The following FIP1L1 variants were observed in gnomAD, a reference collection of about 807,000 sequenced individuals.
FIP1L1 encodes the protein factor interacting with PAPOLA and CPSF1, also known as pre-mRNA 3'-end-processing factor FIP1.
A neutral mutation model predicts 84.6 loss-of-function variants in FIP1L1; 21 were observed. That is an observed-to-expected ratio of 0.25 (90% CI 0.18 to 0.36). The LOEUF is 0.36. FIP1L1 is among the 10% of genes least tolerant of loss of function. FIP1L1 has a pLI of 1.00. For synonymous variants in FIP1L1, 263 were observed against 242.3 expected, an observed-to-expected ratio of 1.09 and a Z score of -0.80; for missense variants, 526 against 751.1, an observed-to-expected ratio of 0.70 and a Z score of 3.50.
At position 53,403,094 on chromosome 4, in the gene FIP1L1, T is replaced by C. The variant is rs570693652; in HGVS notation, c.815+3255T>C. ...AGAAAAGAGGTCTGAAATAGTTTTT[T>C]GGAGTTCTGTGAATAAACTAGGTGA... On this transcript the variant is annotated intron_variant, in intron 10 of 17. Transcript: ENST00000337488. Among the ~76,000 whole-genome samples, 3 of 152,298 alleles carry C rather than the reference T, an allele frequency of 2.0e-5. No homozygotes were observed. In the East Asian group the frequency reaches 5.8e-4, roughly 29 times the overall value.
intron 11 of FIP1L1, among the ~76,000 whole-genome samples, chr4:53,419,707 A>G (rs1403547380): frequency 6.6e-6 from 1 of 152,050 alleles, no homozygotes; most frequent in Admixed American, 6.6e-5. Context: ...CTCCCAAATC[A>G]CACCTGAGAT....
At chr4:53,438,510 T>C (rs1770478601) in intron 13 of FIP1L1, among the ~76,000 whole-genome samples, 1 of 152,224 alleles carries the variant, frequency 6.6e-6, no homozygotes, top group Admixed American at 6.5e-5. Context: ...AGATTTGCAT[T>C]GAAATAACAT....
intron 5 of FIP1L1, among the ~76,000 whole-genome samples, chr4:53,385,168 G>T (rs898826003): frequency 6.6e-6 from 1 of 152,124 alleles, no homozygotes; most frequent in Non-Finnish European, 1.5e-5. Context: ...GGCTTATACT[G>T]TAGTACTAGT....
rs995710372 is a variant in FIP1L1, at chr4:53,460,620, A to T, written c.*1171A>T. 3.2e-6 allele frequency: 1 copy of T among 315,790 alleles called. No individual in the cohort carries two copies. The highest frequency in any genetic ancestry group is 2.4e-5 in the African/African-American group (1 of 42,342). 19.6% of individuals were successfully genotyped at this position (315,790 alleles called of 1,614,324 possible). On this transcript the variant is annotated 3_prime_UTR_variant, in exon 18 of 18. Coordinates refer to ENST00000337488, the MANE Select transcript of FIP1L1 (RefSeq NM_030917.4). ...TAAATCAGCTTGAATTCAGTGGGGT[A>T]TACAAATCATTTTAGTTGTTTTAGG... is the stretch of plus-strand genomic sequence containing the variant.
chr4:53,440,399 G>A (rs1560570708), intron 13 of FIP1L1, among the ~76,000 whole-genome samples: 1 of 151,966 alleles, frequency 6.6e-6, no homozygotes, highest in Admixed American at 6.6e-5. Flanking sequence ...TTTCATCAAG[G>A]AAGTTGGATG....
At chr4:53,429,563 TA>T (rs540951858) in intron 13 of FIP1L1, among the ~76,000 whole-genome samples, 6 of 152,302 alleles carry the variant, frequency 3.9e-5, no homozygotes, top group East Asian at 3.9e-4. Flanking sequence ...TTAATGATAC[TA>T]AAAAAATTAT....
chr4:53,406,451 GA>G (rs1560517680), intron 10 of FIP1L1, among the ~76,000 whole-genome samples: 1 of 152,194 alleles, frequency 6.6e-6, no homozygotes. Flanking sequence ...GTTCATCAGG[GA>G]TATTGGTCTA....
intron 3 of FIP1L1, among the ~76,000 whole-genome samples, chr4:53,380,522 TTGAA>T (rs1737264303): frequency 6.6e-6 from 1 of 152,316 alleles, no homozygotes; most frequent in South Asian, 2.1e-4. Context: ...GTTGTCCTGT[TTGAA>T]TGGGTAGATT....
intron 9 of FIP1L1, among the ~76,000 whole-genome samples, chr4:53,393,513 C>T (rs1346293526): frequency 6.6e-6 from 1 of 152,084 alleles, no homozygotes; most frequent in African/African-American, 2.4e-5. Context: ...CTTGAGGTAA[C>T]AGCCTTTTAT....
At chr4:53,429,752 T>A (rs1488252942) in intron 13 of FIP1L1, among the ~76,000 whole-genome samples, 1 of 152,232 alleles carries the variant, frequency 6.6e-6, no homozygotes, top group East Asian at 1.9e-4. Context: ...GTCTACATTG[T>A]AGTAAATCAA....
intron 10 of FIP1L1, among the ~76,000 whole-genome samples, chr4:53,410,510 G>T (rs566411395): frequency 6.6e-6 from 1 of 152,282 alleles, no homozygotes; most frequent in African/African-American, 2.4e-5. Context: ...TGTTGTTGAT[G>T]TTGCGAGTTG....
chr4:53,436,262 T>C (rs1276190934), intron 13 of FIP1L1, among the ~76,000 whole-genome samples: 3 of 152,212 alleles, frequency 2.0e-5, no homozygotes, highest in Non-Finnish European at 4.4e-5. Context: ...ACAGCTTAGC[T>C]GGATCCTCTG....
chr4:53,413,671 A>G (rs1022755056), intron 10 of FIP1L1, among the ~76,000 whole-genome samples: 3 of 152,098 alleles, frequency 2.0e-5, no homozygotes, highest in Admixed American at 2.0e-4. Flanking sequence ...GGCTAAGGGT[A>G]TATAATTCAG....
rs1475056453 is a variant in FIP1L1, at chr4:53,453,000, A to G, written c.1366A>G (p.Arg456Gly). 1.9e-6 allele frequency: 3 copies of G among 1,613,736 alleles called. No homozygotes were observed. In the Admixed American group the frequency reaches 5.0e-5, roughly 27 times the overall value. ...CAGCAAGCAGTGGGACTATTATGCC[A>G]GAAGAGAGAAAGACCGAGATAGAGA... ...DTSKQWDYYARREKDRDRERD... is the reference protein window; with the variant it reads ...DTSKQWDYYAGREKDRDRERD... The change falls in exon 16 of 18, where the codon AGA becomes GGA. Residue 456 changes from arginine to glycine, a missense_variant. Physicochemically the swap from Arg to Gly is moderately radical, Grantham distance 125. Coordinates refer to ENST00000337488, the MANE Select transcript of FIP1L1 (RefSeq NM_030917.4).
At chr4:53,457,234 C>T (rs960976575) in intron 16 of FIP1L1, among the ~76,000 whole-genome samples, 2 of 152,046 alleles carry the variant, frequency 1.3e-5, no homozygotes, top group African/African-American at 4.8e-5. Context: ...GCCTCGGTCA[C>T]TCATTTAGTA....
rs1357903305 is a variant in FIP1L1, at chr4:53,399,714, A to G, written c.706-16A>G. 1.3e-6 allele frequency: 2 copies of G among 1,526,266 alleles called. No homozygotes were observed. Among genetic ancestry groups the G allele is most frequent in the Admixed American group, 1.7e-5 (1 of 57,292 alleles). 94.5% of individuals were successfully genotyped at this position (1,526,266 alleles called of 1,614,324 possible). A position where few individuals can be genotyped will look rare whatever the true frequency, so the allele number is the denominator to read the frequency against. On this transcript the variant is annotated splice_polypyrimidine_tract_variant and intron_variant, in intron 9 of 17. Transcript: ENST00000337488. ...TTCTGTTAAATTCAACAAGCTAATA[A>G]CCTTTTTTTTTTAAGGTACAGCAGG...
At position 53,453,112 on chromosome 4, in the gene FIP1L1, C is replaced by G; in HGVS notation, c.1478C>G (p.Pro493Arg). Residue 493 changes from proline (P) to arginine (R), a missense_variant, in exon 16 of 18, where the codon CCT becomes CGT. By Grantham distance (103) the Pro-to-Arg change is moderately radical (BLOSUM62 -2). This residue lies in a region of FIP1L1 where 89 missense variants were observed against 169.0 expected (regional missense o/e 0.53). Coordinates refer to ENST00000337488, the MANE Select transcript of FIP1L1 (RefSeq NM_030917.4). ...RERERERDHSPTPSVFNSDEE... is the reference protein window; with the variant it reads ...RERERERDHSRTPSVFNSDEE... ...AGAGAGAGGGAGCGTGATCACAGTC[C>G]TACACCAAGTGTTTTCAACAGGTTT... The G allele has an allele frequency of 6.2e-7, 1 of 1,614,006 alleles. No homozygotes were observed. Among genetic ancestry groups the G allele is most frequent in the Non-Finnish European group, 8.5e-7 (1 of 1,179,962 alleles).
chr4:53,444,054 T>C lies in FIP1L1; in HGVS notation c.1236T>C (p.His412=), dbSNP rs1377120601. ...ATATCTTTTTCTTCAACAGTGGACA[T>C]TCCTCTGGTTATGATAGTCGTTCTG... ...PSLIPTIESG[H]SSGYDSRSAR... The change falls in exon 15 of 18, where the codon CAT becomes CAC. Residue 412 remains histidine, a synonymous_variant. Coordinates refer to ENST00000337488, the MANE Select transcript of FIP1L1 (RefSeq NM_030917.4). 27 of 1,604,572 alleles carry C rather than the reference T, an allele frequency of 1.7e-5. No homozygotes were observed. The highest frequency in any genetic ancestry group is 2.3e-5 in the Non-Finnish European group (27 of 1,172,142).
rs529168410 is a variant in FIP1L1 at position 53,421,304 on chromosome 4, T to C, written c.924-4568T>C. ...GCCTCTTTGAATGTCTTTTGGTTGG[T>C]AACCACTATCAAAGGTGCATGATAC... On this transcript the variant is annotated intron_variant, in intron 11 of 17. Coordinates refer to ENST00000337488, the MANE Select transcript of FIP1L1 (RefSeq NM_030917.4). 2.6e-5 allele frequency among the ~76,000 whole-genome samples: 4 copies of C among 152,344 alleles called. No individual in the cohort carries two copies. The East Asian group carries it at 7.7e-4, about 29-fold the overall frequency.
Sources: gnomAD v4.1 joint callset for allele counts (sites outside exome capture counted in the v4.1 genomes callset) on GRCh38, gnomAD v4.1.1 for gene constraint, gnomAD v4.1.1 regional missense constraint, MANE v1.5 for transcripts, NCBI Gene and HGNC (gene_info 2026-07-23, HGNC 2026-07-21) for gene names.